ARMC8: variants seen among roughly 807,000 people sequenced by gnomAD.
The protein encoded by ARMC8 is armadillo repeat-containing protein 8.
In ARMC8, 20 loss-of-function variants were observed where a neutral mutation model predicts 99.3. The observed-to-expected ratio is 0.20, with a 90% CI of 0.14 to 0.29. ARMC8 has a LOEUF of 0.29. ARMC8 is among the 10% of genes least tolerant of loss of function. ARMC8 has a pLI of 1.00. For missense variants in ARMC8, 569 were observed against 809.5 expected (o/e 0.70, Z 3.60); for synonymous variants, 263 against 278.3 (o/e 0.95, Z 0.55).
Position 138,235,120 on chromosome 3 carries a change from A to G in ARMC8, c.609+6A>G, listed in dbSNP as rs2046261489. The G allele has an allele frequency of 1.9e-6, 3 of 1,607,508 alleles. No individual in the cohort carries two copies. The highest frequency in any genetic ancestry group is 4.5e-5 in the East Asian group (2 of 44,794). On this transcript the variant is annotated splice_donor_region_variant and intron_variant, in intron 7 of 21. Coordinates refer to ENST00000469044, the MANE Select transcript of ARMC8 (RefSeq NM_001363941.2). ...TAACCTCACTGTCCTACAAAGTAAG[A>G]TGTTAAAAATTGTGGCCAGATTTGT...
chr3:138,265,488 C>T (rs1399727028), intron 14 of ARMC8, among the ~76,000 whole-genome samples: 1 of 152,112 alleles, frequency 6.6e-6, no homozygotes, highest in Non-Finnish European at 1.5e-5. Context: ...GTACAGTGAG[C>T]TACCAAAAAC....
chr3:138,284,578 T>C, intron 19 of ARMC8, 52 bp downstream of exon 19: 1 of 1,305,222 alleles, frequency 7.7e-7, no homozygotes, highest in South Asian at 1.2e-5. Flanking sequence ...GACTGTTGCA[T>C]TTTTAACTCA....
intron 6 of ARMC8, among the ~76,000 whole-genome samples, chr3:138,230,561 G>A (rs114266240): frequency 3.1e-4 from 47 of 152,280 alleles, no homozygotes; most frequent in African/African-American, 1.1e-3. Flanking sequence ...ACTGAGGTGG[G>A]AAGATCGATT....
At chr3:138,281,348 A>G (rs2049906078) in intron 18 of ARMC8, among the ~76,000 whole-genome samples, 1 of 150,072 alleles carries the variant, frequency 6.7e-6, no homozygotes, top group Non-Finnish European at 1.5e-5. Context: ...GCTGGAGTGC[A>G]GTGACGCGAT....
chr3:138,208,394 A>G (rs1177292373), intron 1 of ARMC8, among the ~76,000 whole-genome samples: 1 of 152,192 alleles, frequency 6.6e-6, no homozygotes, highest in Non-Finnish European at 1.5e-5. Flanking sequence ...TGAACCCGAG[A>G]GGCGGAGGTT....
At chr3:138,277,099 A>T (rs2049366979) in intron 18 of ARMC8, among the ~76,000 whole-genome samples, 1 of 152,210 alleles carries the variant, frequency 6.6e-6, no homozygotes, top group South Asian at 2.1e-4. Flanking sequence ...AATGGAACAG[A>T]CTAGAGAGTC....
intron 1 of ARMC8, among the ~76,000 whole-genome samples, chr3:138,194,295 G>A (rs559954445): frequency 7.3e-5 from 11 of 150,262 alleles, no homozygotes; most frequent in Non-Finnish European, 1.3e-4. Flanking sequence ...CGCCCGCCGC[G>A]GCCTCCCAAA....
intron 16 of ARMC8, 104 bp from the exon 17 acceptor site, chr3:138,272,863 C>T: frequency 9.3e-7 from 1 of 1,073,028 alleles, no homozygotes; most frequent in Non-Finnish European, 1.3e-6. Flanking sequence ...CAGAGCAAGA[C>T]TCTGTCTCAA....
chr3:138,280,307 C>CTTA lies in ARMC8; in HGVS notation c.1726-4107_1726-4105dup, dbSNP rs572583061. Reference sequence around the variant, plus strand: ...GTTTTTGGTTTCATTGATTTTCCCACTTATTATTATTATTATTATATATAT... The same window carrying CTTA: ...GTTTTTGGTTTCATTGATTTTCCCACTTATTATTATTATTATTATTATATATAT... On this transcript the variant is annotated intron_variant, in intron 18 of 21. Transcript: ENST00000469044. Among the ~76,000 whole-genome samples, 191 of 150,434 alleles carry CTTA rather than the reference C, an allele frequency of 1.3e-3. No individual in the cohort carries two copies. The Middle Eastern group carries it at 0.014, about 11-fold the overall frequency.
intron 7 of ARMC8, 172 bp from the exon 8 acceptor site, chr3:138,237,137 A>T: frequency 1.9e-6 from 1 of 536,322 alleles, no homozygotes; most frequent in Non-Finnish European, 3.2e-6. Flanking sequence ...TTTATAGTTA[A>T]TTTTAACTTA....
At chr3:138,208,852 C>CT (rs1054362663) in intron 1 of ARMC8, among the ~76,000 whole-genome samples, 80 of 152,078 alleles carry the variant, frequency 5.3e-4, no homozygotes, top group Non-Finnish European at 1.0e-3. Context: ...AATAGAAAAA[C>CT]TTCACAATAC....
Position 138,245,096 on chromosome 3 carries a change from T to C in ARMC8, c.1047T>C (p.His349=), listed in dbSNP as rs1053851707. 1.3e-5 allele frequency: 21 copies of C among 1,613,984 alleles called. No homozygotes were observed. The highest frequency in any genetic ancestry group is 1.7e-4 in the Middle Eastern group (1 of 6,060). Residue 349 remains histidine (H), a synonymous_variant, in exon 12 of 22, where the codon CAT becomes CAC. Transcript: ENST00000469044. ...CCTTTTTTTCCCCATAGCTTGATCA[T>C]GATTTAAAACATGCTCACGAACTCC... is the stretch of plus-strand genomic sequence containing the variant. ...SAITDIKRLD[H]DLKHAHELRQ... is the part of the protein sequence containing the mutation.
chr3:138,214,903 C>T (rs576956779), intron 2 of ARMC8, among the ~76,000 whole-genome samples: 62 of 152,310 alleles, frequency 4.1e-4, no homozygotes, highest in African/African-American at 1.3e-3. Context: ...AAGTGATCCT[C>T]CCACCTTGGC....
At chr3:138,245,677 A>C in intron 12 of ARMC8, 1 of 992,032 alleles carries the variant, frequency 1.0e-6, no homozygotes, top group Non-Finnish European at 1.2e-6. Flanking sequence ...TCTTTGTGGA[A>C]TGATGATTTT....
intron 21 of ARMC8, among the ~76,000 whole-genome samples, chr3:138,295,438 A>G (rs1324545276): frequency 1.3e-5 from 2 of 152,068 alleles, no homozygotes; most frequent in Non-Finnish European, 2.9e-5. Context: ...CAGTTTTCTT[A>G]TTTGCTTCCC....
At chr3:138,252,230 C>T (rs2047150872) in intron 12 of ARMC8, among the ~76,000 whole-genome samples, 1 of 152,052 alleles carries the variant, frequency 6.6e-6, no homozygotes, top group African/African-American at 2.4e-5. Context: ...TATTTTCTGA[C>T]ATATGAAAAG....
chr3:138,240,609 T>C (rs2046564246), intron 10 of ARMC8, among the ~76,000 whole-genome samples: 1 of 152,220 alleles, frequency 6.6e-6, no homozygotes, highest in Non-Finnish European at 1.5e-5. Flanking sequence ...GGCCTTCCCC[T>C]TGGAAACCTA....
rs187174612 is a variant in ARMC8, at chr3:138,255,707, C to T, written c.1135-8032C>T. Among the ~76,000 whole-genome samples the T allele has an allele frequency of 5.6e-4, 85 of 152,234 alleles. No homozygotes were observed. In the East Asian group the frequency reaches 6.6e-3, roughly 12 times the overall value. On this transcript the variant is annotated intron_variant, in intron 12 of 21. Coordinates refer to ENST00000469044, the MANE Select transcript of ARMC8 (RefSeq NM_001363941.2). ...TTTAGAAAAAAACAAAAGCTGGGAG[C>T]GGTGACTCACACCTATAATCCCAGC...
chr3:138,202,086 A>G (rs2044118879), intron 1 of ARMC8, among the ~76,000 whole-genome samples: 2 of 152,040 alleles, frequency 1.3e-5, no homozygotes, highest in Non-Finnish European at 2.9e-5. Flanking sequence ...CAAACTTCCT[A>G]TTTTTGTGTT....
Sources: gnomAD v4.1 joint callset for allele counts (sites outside exome capture counted in the v4.1 genomes callset) on GRCh38, gnomAD v4.1.1 for gene constraint, MANE v1.5 for transcripts, NCBI Gene and HGNC (gene_info 2026-07-23, HGNC 2026-07-21) for gene names.